Variants in ACER2 observed in about 807,000 individuals in gnomAD.
ACER2 encodes alkCDase 2.
A neutral mutation model predicts 34.7 loss-of-function variants in ACER2; 26 were observed. The observed-to-expected ratio is 0.75, with a 90% CI of 0.55 to 1.04. The LOEUF (loss-of-function observed/expected upper bound fraction) is 1.04. Ranked by LOEUF, ACER2 falls within the 50% of genes least tolerant of loss-of-function variation. The pLI is 0.00. For synonymous variants in ACER2, 138 were observed against 132.1 expected, an observed-to-expected ratio of 1.04 and a Z score of -0.31; for missense variants, 352 against 340.8, an observed-to-expected ratio of 1.03 and a Z score of -0.26.
intron 3 of ACER2, among the ~76,000 whole-genome samples, chr9:19,426,928 C>A (rs1830589044): frequency 6.6e-6 from 1 of 152,114 alleles, no homozygotes. Context: ...GCAGAGTTGT[C>A]TGTGACTATT....
chr9:19,417,204 C>T (rs898409863), intron 1 of ACER2, among the ~76,000 whole-genome samples: 2 of 152,190 alleles, frequency 1.3e-5, no homozygotes, highest in Non-Finnish European at 2.9e-5. Flanking sequence ...CTACAAACCA[C>T]TGCTCAAGGA....
intron 4 of ACER2, 93 bp downstream of exon 4, chr9:19,435,177 G>A (rs1830919953): frequency 6.9e-7 from 1 of 1,454,372 alleles, no homozygotes; most frequent in Non-Finnish European, 9.3e-7. Flanking sequence ...CAGAAGAGGA[G>A]TTTTATTCCT....
chr9:19,423,429 G>C (rs1222950796), intron 1 of ACER2, among the ~76,000 whole-genome samples: 1 of 152,302 alleles, frequency 6.6e-6, no homozygotes, highest in Non-Finnish European at 1.5e-5. Flanking sequence ...GGCTGGGTGT[G>C]GTGGCTTATG....
intron 4 of ACER2, among the ~76,000 whole-genome samples, chr9:19,445,254 A>AT (rs34192348): frequency 1.1e-4 from 16 of 152,284 alleles, no homozygotes; most frequent in East Asian, 9.7e-4. Flanking sequence ...AGCTGTTAGC[A>AT]TTTTTTTCAG....
chr9:19,445,842 G>A (rs929609860), intron 4 of ACER2, among the ~76,000 whole-genome samples: 1 of 152,202 alleles, frequency 6.6e-6, no homozygotes. Flanking sequence ...AGGGGCAAGG[G>A]TGGAAGGAGA....
At chr9:19,413,747 A>G (rs1830158454) in intron 1 of ACER2, among the ~76,000 whole-genome samples, 1 of 152,214 alleles carries the variant, frequency 6.6e-6, no homozygotes, top group Admixed American at 6.5e-5. Flanking sequence ...AAGAAAGTCA[A>G]CTGATCGCTG....
chr9:19,446,736 T>A, intron 5 of ACER2: 3 of 721,536 alleles, frequency 4.2e-6, no homozygotes, highest in Non-Finnish European at 5.1e-6. Context: ...TAGCTAGGTG[T>A]TGGGGGAGGG....
At chr9:19,444,802 C>G (rs931735754) in intron 4 of ACER2, among the ~76,000 whole-genome samples, 3 of 152,190 alleles carry the variant, frequency 2.0e-5, no homozygotes, top group African/African-American at 7.2e-5. Context: ...ATTGTTATCT[C>G]TTTGTTTTAG....
intron 4 of ACER2, among the ~76,000 whole-genome samples, chr9:19,438,309 T>G (rs986195910): frequency 2.0e-5 from 3 of 152,244 alleles, no homozygotes; most frequent in African/African-American, 7.2e-5. Flanking sequence ...GCCTTTCCTT[T>G]TCCTTGCCAC....
At chr9:19,449,549 T>C (rs1051924853) in intron 5 of ACER2, among the ~76,000 whole-genome samples, 4 of 152,190 alleles carry the variant, frequency 2.6e-5, no homozygotes, top group African/African-American at 9.6e-5. Flanking sequence ...TGTGTAATTT[T>C]TAAAAAGATC....
intron 4 of ACER2, among the ~76,000 whole-genome samples, chr9:19,442,222 T>C (rs140570372): frequency 6.6e-6 from 1 of 152,308 alleles, no homozygotes; most frequent in East Asian, 1.9e-4. Context: ...ATTTTATTGT[T>C]AAGAAAAAAT....
chr9:19,444,756 A>G (rs967568691), intron 4 of ACER2, among the ~76,000 whole-genome samples: 2 of 152,226 alleles, frequency 1.3e-5, no homozygotes, highest in Non-Finnish European at 2.9e-5. Flanking sequence ...CGAGGCATTC[A>G]AGGTAGAGAG....
chr9:19,430,176 C>T (rs567589591), intron 3 of ACER2, among the ~76,000 whole-genome samples: 1 of 141,212 alleles, frequency 7.1e-6, no homozygotes, highest in Admixed American at 7.0e-5. Flanking sequence ...AGTCTGAAAA[C>T]AAAGCTTTAC....
chr9:19,409,314 T>G (rs567574615), intron 1 of ACER2, 122 bp downstream of exon 1: 4 of 928,288 alleles, frequency 4.3e-6, no homozygotes, highest in Non-Finnish European at 6.6e-6. Context: ...CTCCAGGGGC[T>G]GAGTCAGTCC....
Position 19,417,860 on chromosome 9 carries a change from G to A in ACER2, c.109-6002G>A, listed in dbSNP as rs138571347. Among the ~76,000 whole-genome samples, 347 of 152,254 alleles carry A rather than the reference G, an allele frequency of 2.3e-3. 1 individual carries two copies. Among genetic ancestry groups the A allele is most frequent in the African/African-American group, 7.8e-3 (323 of 41,558 alleles). ...AACAAAAGCCAAAATTGACAAATGA[G>A]CTCTAATTAAACTAAAGAGCTTCTG... On this transcript the variant is annotated intron_variant, in intron 1 of 5. Coordinates refer to ENST00000340967, the MANE Select transcript of ACER2 (RefSeq NM_001010887.3).
At chr9:19,430,086 G>A (rs1303853611) in intron 3 of ACER2, among the ~76,000 whole-genome samples, 16 of 151,950 alleles carry the variant, frequency 1.1e-4, no homozygotes, top group Admixed American at 1.0e-3. Flanking sequence ...GCTTTAAAGA[G>A]TAGCCAATGA....
chr9:19,449,097 T>TGAG (rs1831475588), intron 5 of ACER2, among the ~76,000 whole-genome samples: 5 of 152,224 alleles, frequency 3.3e-5, no homozygotes, highest in Non-Finnish European at 7.3e-5. Flanking sequence ...GCCACTGTAC[T>TGAG]CTAGCCTGAG....
chr9:19,433,809 C>A (rs1437881569), intron 3 of ACER2, among the ~76,000 whole-genome samples: 1 of 147,048 alleles, frequency 6.8e-6, no homozygotes, highest in Non-Finnish European at 1.5e-5. Flanking sequence ...CCTTCCCGGA[C>A]GGGGCGGCTG....
chr9:19,416,990 C>T (rs959212931), intron 1 of ACER2, among the ~76,000 whole-genome samples: 7 of 152,154 alleles, frequency 4.6e-5, no homozygotes, highest in Non-Finnish European at 7.3e-5. Context: ...ATCCTCTCAG[C>T]CCAAAAACTC....
Sources: gnomAD v4.1 joint callset for allele counts (sites outside exome capture counted in the v4.1 genomes callset) on GRCh38, gnomAD v4.1.1 for gene constraint, MANE v1.5 for transcripts, NCBI Gene and HGNC (gene_info 2026-07-23, HGNC 2026-07-21) for gene names.